RNF145: variants seen among roughly 807,000 people sequenced by gnomAD.
RNF145 encodes ring finger protein 145.
Under a neutral mutation model 57.3 loss-of-function variants are expected in RNF145, and 12 were observed. That is an observed-to-expected ratio of 0.21 (90% CI 0.13 to 0.34). The LOEUF is 0.34. Among genes scored for constraint, RNF145 ranks in the 10% least tolerant of loss-of-function variants. The pLI is 1.00. For synonymous variants in RNF145, 262 were observed against 288.3 expected, an observed-to-expected ratio of 0.91 and a Z score of 0.92; for missense variants, 429 against 799.0, an observed-to-expected ratio of 0.54 and a Z score of 5.58.
chr5:159,205,595 T>TCCC (rs1785849100), intron 1 of RNF145, among the ~76,000 whole-genome samples: 1 of 152,206 alleles, frequency 6.6e-6, no homozygotes, highest in Non-Finnish European at 1.5e-5. Flanking sequence ...GGGAATTTAT[T>TCCC]TCAAAGTAAT....
intron 1 of RNF145, chr5:159,207,372 G>C: frequency 1.4e-6 from 1 of 725,128 alleles, no homozygotes; most frequent in Non-Finnish European, 2.2e-6. Flanking sequence ...TTTTTAAAAA[G>C]ACAAAGAAAA....
chr5:159,159,625 C>T (rs1042384059), intron 10 of RNF145, among the ~76,000 whole-genome samples: 1 of 152,140 alleles, frequency 6.6e-6, no homozygotes, highest in African/African-American at 2.4e-5. Flanking sequence ...AACACATAGT[C>T]TTGGGCCACC....
At chr5:159,183,678 A>C (rs1450307223) in intron 3 of RNF145, among the ~76,000 whole-genome samples, 1 of 152,072 alleles carries the variant, frequency 6.6e-6, no homozygotes, top group African/African-American at 2.4e-5. Context: ...AAGAGATACA[A>C]CTCTGAGTGT....
At chr5:159,205,305 A>T (rs930932841) in intron 1 of RNF145, among the ~76,000 whole-genome samples, 3 of 152,348 alleles carry the variant, frequency 2.0e-5, no homozygotes, top group Admixed American at 1.3e-4. Context: ...TGTGAAAATC[A>T]GAACTAAATA....
intron 10 of RNF145, 70 bp downstream of exon 10, chr5:159,161,196 T>C: frequency 1.1e-6 from 1 of 929,878 alleles, no homozygotes. Context: ...TTGAATTTGG[T>C]TAATATGGTT....
chr5:159,209,508 C>CGGCGGCGGCGGCGGT lies in RNF145; in HGVS notation c.-318_-317insACCGCCGCCGCCGCC, dbSNP rs1786032047. On this transcript the variant is annotated 5_prime_UTR_variant, in exon 1 of 11. Transcript: ENST00000424310. ...CCTTAGCAGCCGGCGCCGGCGTCGG[C>CGGCGGCGGCGGCGGT]GGCCATGGCCTCCTGCGTTTGCTCC... 2.0e-6 allele frequency: 2 copies of CGGCGGCGGCGGCGGT among 981,410 alleles called. No homozygotes were observed. The highest frequency in any genetic ancestry group is 1.8e-5 in the African/African-American group (1 of 56,718). 60.8% of individuals were successfully genotyped at this position (981,410 alleles called of 1,614,324 possible).
At chr5:159,198,849 T>G (rs1365348936) in intron 2 of RNF145, among the ~76,000 whole-genome samples, 1 of 151,990 alleles carries the variant, frequency 6.6e-6, no homozygotes, top group African/African-American at 2.4e-5. Flanking sequence ...AAACAAGACC[T>G]TGGTATATGC....
rs1204591444 is a variant in RNF145 at position 159,158,781 on chromosome 5, C to T, written c.1881G>A (p.Arg627=). The T allele has an allele frequency of 6.2e-7, 1 of 1,613,906 alleles. No homozygotes were observed. The highest frequency in any genetic ancestry group is 8.5e-7 in the Non-Finnish European group (1 of 1,179,850). The change falls in exon 11 of 11, where the codon AGG becomes AGA. Residue 627 remains arginine (R), a synonymous_variant. Transcript: ENST00000424310. ...TPGTRIQEGS[R]DNNEYIARRP... is the part of the protein sequence containing the mutation. ...GTCTGGCAATGTACTCATTATTGTC[C>T]CTGGAACCTTCCTGTATCCTGGTCC... is the stretch of plus-strand genomic sequence containing the variant.
At chr5:159,176,511 G>T in intron 5 of RNF145, 121 bp downstream of exon 5, 1 of 639,924 alleles carries the variant, frequency 1.6e-6, no homozygotes, top group Non-Finnish European at 2.7e-6. Context: ...AATAGCAGCT[G>T]TTTTGAAACT....
intron 10 of RNF145, among the ~76,000 whole-genome samples, chr5:159,160,860 A>G (rs1784191906): frequency 6.6e-6 from 1 of 152,114 alleles, no homozygotes; most frequent in South Asian, 2.1e-4. Flanking sequence ...GTACATGAAT[A>G]TTTCTTCCCC....
chr5:159,175,081 T>G (rs538603972), intron 5 of RNF145, among the ~76,000 whole-genome samples: 1 of 152,286 alleles, frequency 6.6e-6, no homozygotes, highest in African/African-American at 2.4e-5. Context: ...AAGTATTAAG[T>G]TAAAATAAAT....
intron 3 of RNF145, 81 bp from the exon 4 acceptor site, chr5:159,182,132 G>A: frequency 1.2e-6 from 1 of 800,098 alleles, no homozygotes; most frequent in Admixed American, 2.1e-5. Context: ...AGCATATTAT[G>A]TTAATGATAC....
intron 3 of RNF145, among the ~76,000 whole-genome samples, chr5:159,189,709 A>C (rs764665901): frequency 6.6e-6 from 1 of 152,264 alleles, no homozygotes; most frequent in Non-Finnish European, 1.5e-5. Context: ...TCAAAAGATA[A>C]TTGGATGTAT....
At chr5:159,171,014 T>C (rs1228838975) in intron 6 of RNF145, among the ~76,000 whole-genome samples, 2 of 152,202 alleles carry the variant, frequency 1.3e-5, no homozygotes, top group South Asian at 2.1e-4. Flanking sequence ...TCTATATAGT[T>C]ATCTTTCCTA....
At position 159,207,324 on chromosome 5, in the gene RNF145, CTTATT is replaced by C. The variant is rs535555414; in HGVS notation, c.-40+1902_-40+1906del. The C allele has an allele frequency of 3.2e-5, 17 of 528,270 alleles. No homozygotes were observed. In the East Asian group the frequency reaches 5.2e-4, roughly 16 times the overall value. 32.7% of individuals were successfully genotyped at this position (528,270 alleles called of 1,614,324 possible). ...ATGAAAAATGTGATTTTTTATTTCT[CTTATT>C]TGAGTTCTTCAAAAATACACCTCCT... is the stretch of plus-strand genomic sequence containing the variant. On this transcript the variant is annotated intron_variant, in intron 1 of 10. Coordinates refer to ENST00000424310, the MANE Select transcript of RNF145 (RefSeq NM_001199383.2).
At chr5:159,164,667 G>A (rs1368662593) in intron 8 of RNF145, among the ~76,000 whole-genome samples, 1 of 152,102 alleles carries the variant, frequency 6.6e-6, no homozygotes, top group African/African-American at 2.4e-5. Flanking sequence ...AAATTACATT[G>A]AAACCTCGTG....
At chr5:159,209,165 G>A (rs1467787864) in intron 1 of RNF145, 66 bp downstream of exon 1, 2 of 642,264 alleles carry the variant, frequency 3.1e-6, no homozygotes, top group Non-Finnish European at 3.9e-6. Context: ...GGGGAGGGGA[G>A]GGAGGCCGTG....
At chr5:159,187,456 T>C (rs1340316487) in intron 3 of RNF145, among the ~76,000 whole-genome samples, 3 of 151,630 alleles carry the variant, frequency 2.0e-5, no homozygotes, top group Non-Finnish European at 4.4e-5. Context: ...GTATCCTGAG[T>C]AGCTTAGATT....
chr5:159,170,007 A>C (rs1049647458), intron 6 of RNF145, among the ~76,000 whole-genome samples, 188 bp from the exon 7 acceptor site: 8 of 152,186 alleles, frequency 5.3e-5, no homozygotes, highest in African/African-American at 1.9e-4. Flanking sequence ...CTTCAAACCC[A>C]CATTTTTCTA....
Sources: allele counts gnomAD v4.1 joint callset (sites outside exome capture counted in the v4.1 genomes callset), GRCh38; gene constraint gnomAD v4.1.1; transcripts MANE v1.5; gene names NCBI Gene and HGNC (gene_info 2026-07-23, HGNC 2026-07-21).